The following SNX29 variants were observed in gnomAD, a reference collection of about 807,000 sequenced individuals.
The protein encoded by SNX29 is sorting nexin 29, also known as sorting nexin-29.
SNX29 carries 78 observed loss-of-function variants against 102.1 expected under a neutral mutation model. The ratio of observed to expected loss-of-function variants is 0.76; its 90% CI spans 0.64 to 0.92. SNX29 has a LOEUF of 0.92. Ranked by LOEUF, SNX29 falls within the 40% of genes least tolerant of loss-of-function variation. The probability of loss-of-function intolerance (pLI) is 0.00; values close to 1 mark genes in which losing one functional copy is unlikely to be tolerated. For missense variants in SNX29, 1,280 were observed against 1,061.7 expected (o/e 1.21, Z -2.86); for synonymous variants, 580 against 414.5 (o/e 1.40, Z -4.85).
intron 15 of SNX29, among the ~76,000 whole-genome samples, chr16:12,352,767 G>C (rs548930953): frequency 4.6e-5 from 7 of 152,328 alleles, no homozygotes; most frequent in East Asian, 3.9e-4. Flanking sequence ...GGCTGGGTTT[G>C]TGGCTGTGTC....
intron 20 of SNX29, among the ~76,000 whole-genome samples, chr16:12,533,526 C>G (rs899969922): frequency 1.3e-5 from 2 of 152,216 alleles, no homozygotes; most frequent in Non-Finnish European, 1.5e-5. Context: ...CCGTCAGCCA[C>G]TGCAGCCTTT....
chr16:12,125,603 CTCTTTTTTTTTT>C lies in SNX29; in HGVS notation c.1403-1028_1403-1017del, dbSNP rs1225262926. On this transcript the variant is annotated intron_variant, in intron 11 of 20. Coordinates refer to ENST00000566228, the MANE Select transcript of SNX29 (RefSeq NM_032167.5). Reference sequence around the variant, plus strand: ...CAAGGGGGGCTTGTGGCTGAGATCTCTCTTTTTTTTTTTTTTTTTTTTTTTTTTTTTTTTTTT... The same window carrying C: ...CAAGGGGGGCTTGTGGCTGAGATCTCTTTTTTTTTTTTTTTTTTTTTTTTT... 1.2e-3 allele frequency among the ~76,000 whole-genome samples: 86 copies of C among 71,470 alleles called. 17 individuals are homozygous for C. Among genetic ancestry groups the C allele is most frequent in the East Asian group, 0.011 (19 of 1,806 alleles). The allele number at this position is 71,470 out of a possible 152,430, so 46.9% of individuals were successfully genotyped here. A position where few individuals can be genotyped will look rare whatever the true frequency, so the allele number is the denominator to read the frequency against.
At chr16:12,437,424 C>T (rs947894319) in intron 18 of SNX29, among the ~76,000 whole-genome samples, 2 of 152,182 alleles carry the variant, frequency 1.3e-5, no homozygotes, top group Non-Finnish European at 2.9e-5. Context: ...GGCAATGGGT[C>T]AGGGGGTAGT....
Position 12,566,645 on chromosome 16 carries a change from C to T in SNX29, c.2319-1861C>T, listed in dbSNP as rs142386414. 4.4e-3 allele frequency among the ~76,000 whole-genome samples: 674 copies of T among 152,348 alleles called. 17 individuals carry two copies. Among genetic ancestry groups the T allele is most frequent in the East Asian group, 0.036 (189 of 5,184 alleles). On this transcript the variant is annotated intron_variant, in intron 20 of 20. Coordinates refer to ENST00000566228, the MANE Select transcript of SNX29 (RefSeq NM_032167.5). Reference sequence around the variant, plus strand: ...GCAAGCAAAGACCTCCTTCCAGCATCTTTGAACCATCCTCTAAGGAGCATT... The same window carrying T: ...GCAAGCAAAGACCTCCTTCCAGCATTTTTGAACCATCCTCTAAGGAGCATT...
At chr16:12,489,586 A>G (rs1401608691) in intron 19 of SNX29, among the ~76,000 whole-genome samples, 1 of 152,228 alleles carries the variant, frequency 6.6e-6, no homozygotes, top group African/African-American at 2.4e-5. Flanking sequence ...TGTGGTGAAG[A>G]GTGAACAAGC....
intron 15 of SNX29, among the ~76,000 whole-genome samples, chr16:12,294,772 C>T (rs2079924033): frequency 6.6e-6 from 1 of 152,188 alleles, no homozygotes; most frequent in Non-Finnish European, 1.5e-5. Flanking sequence ...CCCTGGACCT[C>T]TCTGGGCCTT....
intron 15 of SNX29, among the ~76,000 whole-genome samples, chr16:12,286,939 G>A (rs894232424): frequency 6.6e-6 from 1 of 152,108 alleles, no homozygotes; most frequent in Non-Finnish European, 1.5e-5. Context: ...ACTTTAAAAA[G>A]CCTGTTAAAA....
intron 14 of SNX29, among the ~76,000 whole-genome samples, chr16:12,221,869 A>G (rs2077488148): frequency 2.0e-5 from 3 of 152,152 alleles, no homozygotes; most frequent in African/African-American, 7.2e-5. Flanking sequence ...TGGGTGCACT[A>G]AGGAACTCCC....
rs1253045653 is a variant in SNX29 at position 12,573,977 on chromosome 16, G to A, written c.*5348G>A. 5.0e-5 allele frequency: 10 copies of A among 198,724 alleles called. No homozygotes were observed. Among genetic ancestry groups the A allele is most frequent in the South Asian group, 1.9e-4 (1 of 5,212 alleles). 12.3% of individuals were successfully genotyped at this position (198,724 alleles called of 1,614,324 possible). A position where few individuals can be genotyped will look rare whatever the true frequency, so the allele number is the denominator to read the frequency against. ...AGCGATGGTAACCCCACTAGGGGGC[G>A]CCCATGATCGGCTCCCAGTGCACCC... On this transcript the variant is annotated 3_prime_UTR_variant, in exon 21 of 21. Transcript: ENST00000566228.
At chr16:12,421,649 A>G (rs1221211070) in intron 18 of SNX29, among the ~76,000 whole-genome samples, 1 of 152,208 alleles carries the variant, frequency 6.6e-6, no homozygotes, top group African/African-American at 2.4e-5. Flanking sequence ...GGAAGTTCTT[A>G]GGAAACATTA....
At chr16:12,565,844 C>A (rs770810320) in intron 20 of SNX29, among the ~76,000 whole-genome samples, 1 of 152,202 alleles carries the variant, frequency 6.6e-6, no homozygotes, top group Admixed American at 6.5e-5. Flanking sequence ...ACCTCTGCCT[C>A]CTCCGGGAAG....
chr16:12,515,615 C>G (rs1261426853), intron 19 of SNX29: 3 of 487,548 alleles, frequency 6.2e-6, no homozygotes, highest in African/African-American at 5.9e-5. Flanking sequence ...GTCACCTCCT[C>G]CCAGGTGCCT....
At chr16:12,527,666 C>T (rs555244636) in intron 20 of SNX29, among the ~76,000 whole-genome samples, 2 of 152,148 alleles carry the variant, frequency 1.3e-5, no homozygotes, top group African/African-American at 4.8e-5. Flanking sequence ...CCGGGGTCCC[C>T]ACCCAGCACG....
At chr16:12,339,555 A>G (rs973126379) in intron 15 of SNX29, among the ~76,000 whole-genome samples, 1 of 152,146 alleles carries the variant, frequency 6.6e-6, no homozygotes, top group Non-Finnish European at 1.5e-5. Context: ...TGGACATCCA[A>G]GGATTGGTGT....
chr16:12,379,131 T>TA (rs979367656), intron 16 of SNX29, among the ~76,000 whole-genome samples: 51 of 152,240 alleles, frequency 3.3e-4, no homozygotes, highest in African/African-American at 1.2e-3. Context: ...TTCCTTTTCT[T>TA]AAAAAAATAG....
At chr16:12,502,216 C>A (rs2089159633) in intron 19 of SNX29, among the ~76,000 whole-genome samples, 2 of 152,126 alleles carry the variant, frequency 1.3e-5, no homozygotes, top group South Asian at 4.1e-4. Flanking sequence ...GGGACAGTGG[C>A]AGTGAGGGGC....
At chr16:12,227,343 C>G (rs1335488074) in intron 14 of SNX29, among the ~76,000 whole-genome samples, 1 of 152,180 alleles carries the variant, frequency 6.6e-6, no homozygotes, top group African/African-American at 2.4e-5. Flanking sequence ...ATGATCTGCA[C>G]CCCAGTGACA....
chr16:12,535,161 C>G (rs1167942238), intron 20 of SNX29, among the ~76,000 whole-genome samples: 1 of 152,168 alleles, frequency 6.6e-6, no homozygotes, highest in Non-Finnish European at 1.5e-5. Context: ...TTCTTTGAGA[C>G]AGAGTCTCAC....
chr16:12,564,605 G>A (rs532925776), intron 20 of SNX29, among the ~76,000 whole-genome samples: 6 of 152,102 alleles, frequency 3.9e-5, no homozygotes, highest in East Asian at 1.9e-4. Flanking sequence ...TTGTGAAACT[G>A]TAACAGACCT....
Sources: allele counts gnomAD v4.1 joint callset (sites outside exome capture counted in the v4.1 genomes callset), GRCh38; gene constraint gnomAD v4.1.1; transcripts MANE v1.5; gene names NCBI Gene and HGNC (gene_info 2026-07-23, HGNC 2026-07-21).